The following KIAA1217 variants were observed in gnomAD, a reference collection of about 807,000 sequenced individuals.
The protein encoded by KIAA1217 is KIAA1217, also known as sickle tail protein homolog.
A neutral mutation model predicts 163.9 loss-of-function variants in KIAA1217; 88 were observed. That is an observed-to-expected ratio of 0.54 (90% CI 0.45 to 0.64). The LOEUF (loss-of-function observed/expected upper bound fraction) is 0.64, where lower values mean the gene tolerates loss of function less well. Among genes scored for constraint, KIAA1217 ranks in the 30% least tolerant of loss-of-function variants. The pLI, the probability that KIAA1217 is intolerant of heterozygous loss-of-function variation, is 0.00. For synonymous variants in KIAA1217, 903 were observed against 923.1 expected, an observed-to-expected ratio of 0.98 and a Z score of 0.39; for missense variants, 2,372 against 2,475.0, an observed-to-expected ratio of 0.96 and a Z score of 0.88.
intron 2 of KIAA1217, among the ~76,000 whole-genome samples, chr10:24,118,604 A>G (rs1385979790): frequency 6.6e-6 from 1 of 152,226 alleles, no homozygotes; most frequent in Non-Finnish European, 1.5e-5. Context: ...GGAATACAAG[A>G]GGACGCCTTC....
At chr10:24,146,513 C>T (rs571628480) in intron 2 of KIAA1217, among the ~76,000 whole-genome samples, 1 of 152,100 alleles carries the variant, frequency 6.6e-6, no homozygotes, top group African/African-American at 2.4e-5. Flanking sequence ...TGACGAAACC[C>T]CAGCTCTACA....
chr10:24,360,284 G>A (rs2049794495), intron 2 of KIAA1217, among the ~76,000 whole-genome samples: 1 of 151,968 alleles, frequency 6.6e-6, no homozygotes, highest in Admixed American at 6.6e-5. Flanking sequence ...CTGACCTCAA[G>A]TGATCCACCC....
chr10:24,398,897 GT>G (rs2056188083), intron 3 of KIAA1217, among the ~76,000 whole-genome samples: 2 of 152,270 alleles, frequency 1.3e-5, no homozygotes, highest in African/African-American at 4.8e-5. Flanking sequence ...AATTTCAAGT[GT>G]TTTTATTTAT....
chr10:23,911,260 C>T (rs1448818858), intron 1 of KIAA1217, among the ~76,000 whole-genome samples: 1 of 152,166 alleles, frequency 6.6e-6, no homozygotes, highest in Non-Finnish European at 1.5e-5. Flanking sequence ...GCACTGTCTA[C>T]AAGGCACTAG....
chr10:23,770,428 G>A (rs1834741771), intron 1 of KIAA1217, among the ~76,000 whole-genome samples: 1 of 152,160 alleles, frequency 6.6e-6, no homozygotes, highest in East Asian at 1.9e-4. Context: ...TTCAGGCTAA[G>A]CTCAATTTCT....
chr10:24,501,061 G>A (rs556977134), intron 8 of KIAA1217, among the ~76,000 whole-genome samples: 1 of 147,950 alleles, frequency 6.8e-6, no homozygotes, highest in East Asian at 2.0e-4. Flanking sequence ...ACTTCCAGGG[G>A]TTAAGAAAAG....
At chr10:23,999,871 A>G (rs758887901) in intron 1 of KIAA1217, among the ~76,000 whole-genome samples, 12 of 152,044 alleles carry the variant, frequency 7.9e-5, no homozygotes, top group African/African-American at 1.7e-4. Context: ...ACCAGACTAG[A>G]CAACATAGCA....
chr10:23,992,659 T>A (rs1309736846), intron 1 of KIAA1217, among the ~76,000 whole-genome samples: 2 of 145,924 alleles, frequency 1.4e-5, no homozygotes, highest in African/African-American at 5.2e-5. Flanking sequence ...AAGGAACGCA[T>A]CCCAGCCAAA....
intron 1 of KIAA1217, among the ~76,000 whole-genome samples, chr10:23,774,574 A>G (rs1411330833): frequency 1.3e-5 from 2 of 152,186 alleles, no homozygotes; most frequent in Admixed American, 1.3e-4. Context: ...ATGGAAATGC[A>G]TGGTAGATGT....
chr10:23,863,421 T>C (rs926757858), intron 1 of KIAA1217, among the ~76,000 whole-genome samples: 5 of 152,172 alleles, frequency 3.3e-5, no homozygotes, highest in Non-Finnish European at 5.9e-5. Context: ...TTTCCATATT[T>C]AATGAGATTA....
At chr10:24,523,303 C>G (rs2071584408) in intron 12 of KIAA1217, among the ~76,000 whole-genome samples, 1 of 152,102 alleles carries the variant, frequency 6.6e-6, no homozygotes, top group Non-Finnish European at 1.5e-5. Flanking sequence ...GCCTGGGCAA[C>G]AGAGCGAGGC....
intron 1 of KIAA1217, among the ~76,000 whole-genome samples, chr10:23,980,248 G>A (rs1845709049): frequency 6.6e-6 from 1 of 152,158 alleles, no homozygotes; most frequent in Non-Finnish European, 1.5e-5. Flanking sequence ...GCTCATGGTG[G>A]GAGGGGCTGA....
At chr10:24,437,546 T>C (rs2060144439) in intron 4 of KIAA1217, among the ~76,000 whole-genome samples, 1 of 152,162 alleles carries the variant, frequency 6.6e-6, no homozygotes, top group African/African-American at 2.4e-5. Context: ...GATCACAGTG[T>C]AGACAGAGCC....
chr10:24,526,586 G>A (rs1276463130), intron 13 of KIAA1217, among the ~76,000 whole-genome samples: 4 of 152,142 alleles, frequency 2.6e-5, no homozygotes, highest in Admixed American at 2.0e-4. Flanking sequence ...GAGGAGACAC[G>A]AGTCATCTCT....
intron 2 of KIAA1217, among the ~76,000 whole-genome samples, chr10:24,327,234 G>A (rs1440447046): frequency 2.0e-5 from 3 of 152,278 alleles, no homozygotes; most frequent in East Asian, 3.9e-4. Flanking sequence ...AAGGTAAGAT[G>A]CCAAATACAG....
chr10:23,929,513 T>TC (rs1438531330), intron 1 of KIAA1217, among the ~76,000 whole-genome samples: 2 of 152,130 alleles, frequency 1.3e-5, no homozygotes, highest in African/African-American at 4.8e-5. Context: ...CATCTTTAAG[T>TC]CCACGTGTAC....
At chr10:24,222,203 A>T (rs73604458) in intron 2 of KIAA1217, among the ~76,000 whole-genome samples, 1 of 152,168 alleles carries the variant, frequency 6.6e-6, no homozygotes, top group African/African-American at 2.4e-5. Flanking sequence ...GGTGTTCTCA[A>T]GCTCTGATCT....
At chr10:24,510,295 A>G (rs1163673979) in intron 9 of KIAA1217, among the ~76,000 whole-genome samples, 1 of 152,200 alleles carries the variant, frequency 6.6e-6, no homozygotes. Flanking sequence ...TATTCCACCA[A>G]TAATTTCTAG....
intron 2 of KIAA1217, among the ~76,000 whole-genome samples, chr10:24,159,684 G>A (rs2065032920): frequency 6.6e-6 from 1 of 152,124 alleles, no homozygotes; most frequent in African/African-American, 2.4e-5. Flanking sequence ...TCAGGAGGCT[G>A]TGGCAGGAGA....
Sources: allele counts gnomAD v4.1 joint callset (sites outside exome capture counted in the v4.1 genomes callset), GRCh38; gene constraint gnomAD v4.1.1; transcripts MANE v1.5; gene names NCBI Gene and HGNC (gene_info 2026-07-23, HGNC 2026-07-21).